The following DCLK1 variants were observed in gnomAD, a reference collection of about 807,000 sequenced individuals.
DCLK1 encodes the protein doublecortin like kinase 1, also known as serine/threonine-protein kinase DCLK1.
In DCLK1, 16 loss-of-function variants were observed where a neutral mutation model predicts 86.2. The observed-to-expected ratio is 0.19, with a 90% CI of 0.13 to 0.28. DCLK1 has a LOEUF of 0.28. DCLK1 is among the 10% of genes least tolerant of loss of function. DCLK1 has a pLI of 1.00. For synonymous variants in DCLK1, 369 were observed against 370.5 expected (o/e 1.00, Z 0.05); for missense variants, 590 against 940.2 (o/e 0.63, Z 4.87).
intron 5 of DCLK1, chr13:35,855,567 G>T (rs998018743): frequency 1.9e-6 from 3 of 1,594,602 alleles, no homozygotes; most frequent in Non-Finnish European, 2.6e-6. Flanking sequence ...ACCAACGGCG[G>T]AATCCCGTCT....
chr13:35,961,697 T>C (rs1878472630), intron 3 of DCLK1, among the ~76,000 whole-genome samples: 1 of 152,170 alleles, frequency 6.6e-6, no homozygotes, highest in Admixed American at 6.5e-5. Context: ...ACTTCCTTGA[T>C]GCTAAAGGAA....
At chr13:36,032,628 T>C (rs1371210976) in intron 3 of DCLK1, among the ~76,000 whole-genome samples, 1 of 152,218 alleles carries the variant, frequency 6.6e-6, no homozygotes, top group Non-Finnish European at 1.5e-5. Context: ...TTGGCCTTTT[T>C]ATGTTCCAAT....
chr13:35,787,986 G>A (rs538659206), intron 16 of DCLK1: 6 of 538,308 alleles, frequency 1.1e-5, no homozygotes, highest in South Asian at 6.3e-5. Flanking sequence ...TTGATACTGA[G>A]CATGTGCAAT....
chr13:35,978,044 G>A lies in DCLK1; in HGVS notation c.724-30587C>T, dbSNP rs372540312. Among the ~76,000 whole-genome samples the A allele has an allele frequency of 1.1e-4, 16 of 151,968 alleles. 1 individual carries two copies. In the East Asian group the frequency reaches 1.7e-3, roughly 17 times the overall value. On this transcript the variant is annotated intron_variant, in intron 3 of 16. Coordinates refer to ENST00000360631, the MANE Select transcript of DCLK1 (RefSeq NM_001330071.2). ...TCATTGTCCCTGAAAGAAATATTAA[G>A]GAAGTATTACTAACGATCCATTACA...
intron 3 of DCLK1, among the ~76,000 whole-genome samples, chr13:36,081,285 G>A (rs1362644693): frequency 6.6e-6 from 1 of 151,866 alleles, no homozygotes; most frequent in African/African-American, 2.4e-5. Flanking sequence ...ATTAAATACT[G>A]TCTAATATCA....
intron 4 of DCLK1, among the ~76,000 whole-genome samples, chr13:35,907,283 C>T (rs1201240539): frequency 6.6e-6 from 1 of 152,216 alleles, no homozygotes; most frequent in African/African-American, 2.4e-5. Flanking sequence ...CCACCTCAGC[C>T]TCTGAAGCAG....
intron 16 of DCLK1, among the ~76,000 whole-genome samples, chr13:35,784,459 C>T (rs2153098239): frequency 6.6e-6 from 1 of 152,276 alleles, no homozygotes; most frequent in African/African-American, 2.4e-5. Flanking sequence ...TTCCCATGTT[C>T]TTTCCAATGA....
intron 5 of DCLK1, among the ~76,000 whole-genome samples, chr13:35,868,792 C>A (rs1432796512): frequency 1.3e-5 from 2 of 151,784 alleles, no homozygotes; most frequent in Non-Finnish European, 2.9e-5. Context: ...TTATTTATTT[C>A]TTTATTATTT....
chr13:36,017,617 C>T (rs2153149716), intron 3 of DCLK1, among the ~76,000 whole-genome samples: 1 of 152,268 alleles, frequency 6.6e-6, no homozygotes, highest in Non-Finnish European at 1.5e-5. Flanking sequence ...TATTTAATTG[C>T]ATTCTCAATC....
chr13:36,084,968 T>C (rs1316438375), intron 3 of DCLK1, among the ~76,000 whole-genome samples: 1 of 152,188 alleles, frequency 6.6e-6, no homozygotes, highest in Admixed American at 6.5e-5. Flanking sequence ...ATACATTGTC[T>C]CTCAAGGAAA....
At chr13:36,068,264 T>A (rs1883838658) in intron 3 of DCLK1, among the ~76,000 whole-genome samples, 1 of 152,208 alleles carries the variant, frequency 6.6e-6, no homozygotes, top group South Asian at 2.1e-4. Flanking sequence ...TTTATCTGTA[T>A]CTAGTTAAAA....
intron 3 of DCLK1, among the ~76,000 whole-genome samples, chr13:36,103,040 T>A (rs2138166800): frequency 6.6e-6 from 1 of 152,314 alleles, no homozygotes; most frequent in East Asian, 1.9e-4. Context: ...GGAGCCAAAC[T>A]GCACACAGAG....
Position 35,770,216 on chromosome 13 carries a change from T to G in DCLK1, c.*4319A>C, listed in dbSNP as rs1162779911. ...AGGAACCCCATTTGTTACCGTTTCATGTGTAAGCACCATTGAACCAATTTT... is the reference window on the plus strand; with the variant it reads ...AGGAACCCCATTTGTTACCGTTTCAGGTGTAAGCACCATTGAACCAATTTT... On this transcript the variant is annotated 3_prime_UTR_variant, in exon 17 of 17. Transcript: ENST00000360631. The G allele has an allele frequency of 6.6e-6, 1 of 152,254 alleles. No individual in the cohort carries two copies. The highest frequency in any genetic ancestry group is 1.5e-5 in the Non-Finnish European group (1 of 68,044). The allele number at this position is 152,254 out of a possible 1,614,324, so 9.4% of individuals were successfully genotyped here. A position where few individuals can be genotyped will look rare whatever the true frequency, so the allele number is the denominator to read the frequency against.
At chr13:36,035,474 G>C (rs1400804080) in intron 3 of DCLK1, among the ~76,000 whole-genome samples, 1 of 152,086 alleles carries the variant, frequency 6.6e-6, no homozygotes, top group Non-Finnish European at 1.5e-5. Flanking sequence ...AGTAGTATTG[G>C]GGGGAAAGGG....
intron 3 of DCLK1, among the ~76,000 whole-genome samples, chr13:35,990,670 A>G (rs1348077014): frequency 1.3e-5 from 2 of 152,114 alleles, no homozygotes; most frequent in Admixed American, 1.3e-4. Context: ...GCACCTATGT[A>G]GAGTTGTCTA....
intron 15 of DCLK1, among the ~76,000 whole-genome samples, chr13:35,804,807 T>C (rs550664764): frequency 6.6e-6 from 1 of 152,196 alleles, no homozygotes; most frequent in Non-Finnish European, 1.5e-5. Context: ...AAATAATGAC[T>C]CTGCTCTGGA....
chr13:35,867,963 A>AAGAAAGAAAG (rs796441369), intron 5 of DCLK1, among the ~76,000 whole-genome samples: 1 of 135,156 alleles, frequency 7.4e-6, no homozygotes, highest in Non-Finnish European at 1.6e-5. Context: ...GAAAGAAAGA[A>AAGAAAGAAAG]AGAGAAAAAG....
chr13:36,086,965 T>C (rs1341496694), intron 3 of DCLK1, among the ~76,000 whole-genome samples: 2 of 152,242 alleles, frequency 1.3e-5, no homozygotes, highest in Non-Finnish European at 2.9e-5. Flanking sequence ...GAATGATTTA[T>C]AATCCTTTGG....
rs1305572524 is a variant in DCLK1, at chr13:35,828,259, A to G, written c.1278T>C (p.Cys426=). The G allele has an allele frequency of 6.2e-7, 1 of 1,610,722 alleles. No homozygotes were observed. Among genetic ancestry groups the G allele is most frequent in the Admixed American group, 1.7e-5 (1 of 59,982 alleles). The change falls in exon 9 of 17, where the codon TGT becomes TGC. Residue 426 remains cysteine (C), a synonymous_variant. Coordinates refer to ENST00000360631, the MANE Select transcript of DCLK1 (RefSeq NM_001330071.2). ...CAAATTTTATACATACTTTGCCTCG[A>G]CATTTGCTTTTCTTGATAATTTTCA... ...YALKIIKKSK[C]RGKEHMIQNE... is the part of the protein sequence containing the mutation.
Sources: gnomAD v4.1 joint callset for allele counts (sites outside exome capture counted in the v4.1 genomes callset) on GRCh38, gnomAD v4.1.1 for gene constraint, MANE v1.5 for transcripts, NCBI Gene and HGNC (gene_info 2026-07-23, HGNC 2026-07-21) for gene names.